Variants in INTS4 observed in about 807,000 individuals in gnomAD.
INTS4 encodes MSTP093.
Under a neutral mutation model 119.5 loss-of-function variants are expected in INTS4, and 70 were observed. The observed-to-expected ratio is 0.59, with a 90% CI of 0.48 to 0.71. The LOEUF is 0.71. Ranked by LOEUF, INTS4 falls within the 30% of genes least tolerant of loss-of-function variation. The probability of loss-of-function intolerance (pLI) is 0.00; values close to 1 mark genes in which losing one functional copy is unlikely to be tolerated. For missense variants in INTS4, 867 were observed against 1,173.2 expected (o/e 0.74, Z 3.81); for synonymous variants, 316 against 419.6 (o/e 0.75, Z 3.02).
intron 21 of INTS4, among the ~76,000 whole-genome samples, chr11:77,887,473 T>C (rs890963059): frequency 6.6e-6 from 1 of 152,118 alleles, no homozygotes; most frequent in African/African-American, 2.4e-5. Flanking sequence ...TCATACTGAA[T>C]GGGCAAAAAC....
At chr11:77,972,390 C>T (rs1188854778) in intron 4 of INTS4, among the ~76,000 whole-genome samples, 6 of 150,050 alleles carry the variant, frequency 4.0e-5, no homozygotes, top group African/African-American at 1.5e-4. Context: ...TGAGCCACCA[C>T]ACCCGGCCAA....
downstream of INTS4, chr11:77,877,036 G>C (rs900131761): frequency 2.8e-6 from 2 of 702,954 alleles, no homozygotes; most frequent in African/African-American, 3.5e-5. Flanking sequence ...ACATCCTTGA[G>C]AGATGCAAAA....
intron 21 of INTS4, among the ~76,000 whole-genome samples, chr11:77,885,245 T>C (rs924516112): frequency 1.3e-5 from 2 of 151,948 alleles, no homozygotes; most frequent in Non-Finnish European, 2.9e-5. Flanking sequence ...GCCCGGCTAA[T>C]TTTGTATCTT....
chr11:77,893,205 C>A (rs546921138), intron 19 of INTS4, among the ~76,000 whole-genome samples: 2 of 152,180 alleles, frequency 1.3e-5, no homozygotes, highest in African/African-American at 4.8e-5. Flanking sequence ...TGTGCTTTAA[C>A]GGATTCATTC....
intron 10 of INTS4, among the ~76,000 whole-genome samples, chr11:77,928,890 A>C (rs1848357714): frequency 6.6e-6 from 1 of 151,890 alleles, no homozygotes; most frequent in Admixed American, 6.6e-5. Flanking sequence ...GTGTGGTGGC[A>C]CACGCCTATA....
At chr11:77,981,031 T>C (rs1172209477) in intron 3 of INTS4, among the ~76,000 whole-genome samples, 4 of 151,896 alleles carry the variant, frequency 2.6e-5, no homozygotes, top group Admixed American at 6.6e-5. Flanking sequence ...GTACTGTATG[T>C]TCAGTTACAG....
intron 18 of INTS4, among the ~76,000 whole-genome samples, chr11:77,896,439 G>A (rs1200988498): frequency 6.6e-6 from 1 of 152,074 alleles, no homozygotes; most frequent in African/African-American, 2.4e-5. Flanking sequence ...ATCACCGGAG[G>A]TCAGAAGTTC....
chr11:77,953,474 T>C (rs547441858), intron 8 of INTS4, among the ~76,000 whole-genome samples: 1 of 152,176 alleles, frequency 6.6e-6, no homozygotes, highest in African/African-American at 2.4e-5. Flanking sequence ...ACTTAACAGA[T>C]GAGGAAACTG....
chr11:77,914,034 A>C (rs1232894226), intron 15 of INTS4, among the ~76,000 whole-genome samples: 1 of 152,226 alleles, frequency 6.6e-6, no homozygotes, highest in Non-Finnish European at 1.5e-5. Context: ...ACAAAGCTGA[A>C]CTCAAATCCT....
intron 1 of INTS4, among the ~76,000 whole-genome samples, chr11:77,993,406 G>C (rs187475379): frequency 6.6e-6 from 1 of 152,206 alleles, no homozygotes; most frequent in Admixed American, 6.5e-5. Flanking sequence ...TGTATTCTGT[G>C]AGAAGAGACA....
intron 8 of INTS4, among the ~76,000 whole-genome samples, chr11:77,941,810 T>C (rs901533484): frequency 2.0e-5 from 3 of 152,152 alleles, no homozygotes; most frequent in African/African-American, 7.2e-5. Context: ...CCGGCCACTA[T>C]GTGTCATGTA....
intron 4 of INTS4, among the ~76,000 whole-genome samples, chr11:77,974,018 C>A (rs1855842210): frequency 6.6e-6 from 1 of 152,052 alleles, no homozygotes; most frequent in South Asian, 2.1e-4. Flanking sequence ...ATTCTTATTT[C>A]AATATTTGGT....
At chr11:77,891,960 A>G in intron 19 of INTS4, 120 bp from the exon 20 acceptor site, 2 of 1,527,318 alleles carry the variant, frequency 1.3e-6, no homozygotes, top group South Asian at 2.5e-5. Context: ...AGGAGCTTGC[A>G]GTTTACGACC....
At chr11:77,882,331 T>G (rs1951826835) in intron 22 of INTS4, among the ~76,000 whole-genome samples, 1 of 152,156 alleles carries the variant, frequency 6.6e-6, no homozygotes, top group Non-Finnish European at 1.5e-5. Flanking sequence ...AACCTTGAGC[T>G]TGGGGGCAGA....
In INTS4 at chr11:77,920,807, G is replaced by A. The variant is rs561417268; in HGVS notation, c.1764+533C>T. Among the ~76,000 whole-genome samples the A allele has an allele frequency of 3.9e-5, 6 of 151,998 alleles. 1 individual carries two copies. The highest frequency in any genetic ancestry group is 3.9e-4 in the Admixed American group (6 of 15,272). ...GTGGAGCTTGCAGTGAGCCGAGATC[G>A]TGCCACTGCACTTCAGCCTGGGCGA... On this transcript the variant is annotated intron_variant, in intron 14 of 22. Coordinates refer to ENST00000534064, the MANE Select transcript of INTS4 (RefSeq NM_033547.4).
chr11:77,952,732 CAT>C (rs1954226346), intron 8 of INTS4, among the ~76,000 whole-genome samples: 1 of 152,028 alleles, frequency 6.6e-6, no homozygotes, highest in Non-Finnish European at 1.5e-5. Flanking sequence ...TTCAATGTAC[CAT>C]ATGTTATACA....
At chr11:77,994,488 A>AAC (rs1478112941) in intron 1 of INTS4, 102 bp downstream of exon 1, 1 of 907,854 alleles carries the variant, frequency 1.1e-6, no homozygotes, top group African/African-American at 1.6e-5. Context: ...GTCAGCACTT[A>AAC]ACACGGGCGT....
At position 77,950,698 on chromosome 11, in the gene INTS4, C is replaced by T. The variant is rs189737855; in HGVS notation, c.918+5244G>A. ...TGTATCAAAACATCAACTTGTGCCCCATATATACAATGTGTCAATTTTTGT... is the reference window on the plus strand; with the variant it reads ...TGTATCAAAACATCAACTTGTGCCCTATATATACAATGTGTCAATTTTTGT... On this transcript the variant is annotated intron_variant, in intron 8 of 22. Transcript: ENST00000534064. Among the ~76,000 whole-genome samples, 691 of 151,324 alleles carry T rather than the reference C, an allele frequency of 4.6e-3. 9 individuals carry two copies. The highest frequency in any genetic ancestry group is 0.016 in the African/African-American group (644 of 41,292).
In INTS4 at chr11:77,947,545, C is replaced by G. The variant is rs186782081; in HGVS notation, c.919-6294G>C. Among the ~76,000 whole-genome samples, 36 of 152,276 alleles carry G rather than the reference C, an allele frequency of 2.4e-4. 1 individual carries two copies. In the East Asian group the frequency reaches 6.9e-3, roughly 29 times the overall value. ...GAAACAAAAGGACAATAATCACTAT[C>G]ATAAAAACACACAAAAGTATAAAAC... On this transcript the variant is annotated intron_variant, in intron 8 of 22. Transcript: ENST00000534064.
Sources: allele counts gnomAD v4.1 joint callset (sites outside exome capture counted in the v4.1 genomes callset), GRCh38; gene constraint gnomAD v4.1.1; transcripts MANE v1.5; gene names NCBI Gene and HGNC (gene_info 2026-07-23, HGNC 2026-07-21).